FREM2: variants seen among roughly 807,000 people sequenced by gnomAD.
The protein encoded by FREM2 is FRAS1 related extracellular matrix 2, also known as FRAS1-related extracellular matrix protein 2.
In FREM2, 119 loss-of-function variants were observed where a neutral mutation model predicts 219.9. The ratio of observed to expected loss-of-function variants is 0.54; its 90% CI spans 0.47 to 0.63. The LOEUF is 0.63. FREM2 is among the 30% of genes least tolerant of loss of function. The pLI, the probability that FREM2 is intolerant of heterozygous loss-of-function variation, is 0.00. For synonymous variants in FREM2, 1,562 were observed against 1,522.8 expected (o/e 1.03, Z -0.60); for missense variants, 4,030 against 3,993.6 (o/e 1.01, Z -0.25).
intron 8 of FREM2, 36 bp from the exon 9 acceptor site, chr13:38,850,002 G>A (rs1378206835): frequency 4.5e-6 from 7 of 1,565,644 alleles, no homozygotes; most frequent in Middle Eastern, 1.7e-4. Context: ...TTTCCACAAG[G>A]AAATTTCTGT....
At chr13:38,870,478 T>TA (rs1878120105) in intron 16 of FREM2, among the ~76,000 whole-genome samples, 1 of 152,336 alleles carries the variant, frequency 6.6e-6, no homozygotes, top group South Asian at 2.1e-4. Context: ...TATAAACAAA[T>TA]ACCTCGAAAA....
intron 7 of FREM2, 51 bp downstream of exon 7, chr13:38,846,773 C>G (rs780843896): frequency 2.5e-6 from 4 of 1,590,478 alleles, no homozygotes; most frequent in Non-Finnish European, 3.5e-6. Flanking sequence ...TTTTCAATGA[C>G]CATGGCACAA....
chr13:38,840,625 A>AATATATATATATAT (rs66795118), intron 6 of FREM2, among the ~76,000 whole-genome samples: 84 of 135,134 alleles, frequency 6.2e-4, no homozygotes, highest in East Asian at 5.9e-3. Context: ...ATAAAACTAA[A>AATATATATATATAT]ATATATATAT....
intron 16 of FREM2, among the ~76,000 whole-genome samples, chr13:38,865,894 C>T (rs1346588308): frequency 6.6e-6 from 1 of 152,184 alleles, no homozygotes; most frequent in Non-Finnish European, 1.5e-5. Context: ...AAGTGTTCAT[C>T]CTGTAGATTC....
intron 6 of FREM2, among the ~76,000 whole-genome samples, chr13:38,808,339 A>C (rs756547310): frequency 2.0e-5 from 3 of 151,924 alleles, no homozygotes; most frequent in Non-Finnish European, 4.4e-5. Flanking sequence ...TTGTGTGTTC[A>C]CTGGAATAGC....
intron 2 of FREM2, among the ~76,000 whole-genome samples, chr13:38,715,935 A>G (rs1266359132): frequency 6.6e-6 from 1 of 152,210 alleles, no homozygotes; most frequent in Non-Finnish European, 1.5e-5. Context: ...AAAGTGCTAC[A>G]TGACTATAAG....
rs937039511 is a variant in FREM2, at chr13:38,769,835, G to A, written c.5641+27G>A. ...TAAGAGCCATCGTCAACTGGTTTAT[G>A]TTGTTGCTGTTGGGCTGCTATGACA... On this transcript the variant is annotated intron_variant, in intron 4 of 23. Transcript: ENST00000280481. 4.5e-6 allele frequency: 7 copies of A among 1,541,196 alleles called. No individual in the cohort carries two copies. In the African/African-American group the frequency reaches 8.2e-5, roughly 18 times the overall value.
chr13:38,880,513 C>A lies in FREM2; in HGVS notation c.9236C>A (p.Ala3079Asp). The change falls in exon 24 of 24, where the codon GCC (alanine) becomes GAC (aspartate). Residue 3079 changes from alanine (A) to aspartate (D), a missense_variant. By Grantham distance (126) the Ala-to-Asp change is moderately radical. Coordinates refer to ENST00000280481, the MANE Select transcript of FREM2 (RefSeq NM_207361.6). ...NSRGTNIQHI[A>D]LDRTKRQIPH... is the part of the protein sequence containing the mutation. ...CGAGGAACAAACATCCAGCACATTGCCCTGGACCGCACCAAGAGGCAGATC... is the reference window on the plus strand; with the variant it reads ...CGAGGAACAAACATCCAGCACATTGACCTGGACCGCACCAAGAGGCAGATC... The A allele has an allele frequency of 1.2e-6, 2 of 1,614,128 alleles. No individual in the cohort carries two copies. The highest frequency in any genetic ancestry group is 1.7e-6 in the Non-Finnish European group (2 of 1,180,018).
At chr13:38,856,539 A>G (rs1877566746) in intron 12 of FREM2, among the ~76,000 whole-genome samples, 1 of 152,160 alleles carries the variant, frequency 6.6e-6, no homozygotes, top group Admixed American at 6.5e-5. Context: ...GTCAGTCAGT[A>G]ATGATTCATT....
chr13:38,874,360 TA>T, intron 17 of FREM2, 121 bp from the exon 18 acceptor site: 1 of 770,888 alleles, frequency 1.3e-6, no homozygotes, highest in Admixed American at 1.9e-5. Context: ...ATTCTTCTGA[TA>T]ATACCCTTTG....
intron 8 of FREM2, among the ~76,000 whole-genome samples, chr13:38,849,605 A>G (rs749260017): frequency 2.6e-5 from 4 of 152,162 alleles, no homozygotes; most frequent in Non-Finnish European, 5.9e-5. Context: ...CCTATACGTA[A>G]TTAACCTAGC....
rs149850058 is a variant in FREM2 at position 38,689,913 on chromosome 13, G to A, written c.2569G>A (p.Val857Ile). ...TGAGACAGAGTTGCACGTGAATGAT[G>A]TAGACACTGATGTTGCCCATATCTC... Reference protein sequence around the residue: ...LSETELHVNDVDTDVAHISFT... With the variant: ...LSETELHVNDIDTDVAHISFT... The change falls in exon 1 of 24, where the codon GTA becomes ATA. Residue 857 changes from valine (V) to isoleucine (I), a missense_variant. Val to Ile is a conservative substitution (Grantham distance 29). Coordinates refer to ENST00000280481, the MANE Select transcript of FREM2 (RefSeq NM_207361.6). The A allele has an allele frequency of 5.6e-6, 9 of 1,614,074 alleles. No individual in the cohort carries two copies. The African/African-American group carries it at 1.1e-4, about 19-fold the overall frequency.
chr13:38,728,137 G>A (rs975590053), intron 2 of FREM2, among the ~76,000 whole-genome samples: 4 of 151,984 alleles, frequency 2.6e-5, no homozygotes, highest in South Asian at 4.1e-4. Flanking sequence ...AAGCTTTGCC[G>A]TGTTCAGCAC....
intron 16 of FREM2, among the ~76,000 whole-genome samples, chr13:38,872,169 C>A (rs1372702283): frequency 6.6e-6 from 1 of 152,134 alleles, no homozygotes; most frequent in East Asian, 1.9e-4. Context: ...ACCTTGAAAA[C>A]ATTATGCTAA....
At chr13:38,725,210 C>A (rs1871465654) in intron 2 of FREM2, among the ~76,000 whole-genome samples, 1 of 152,068 alleles carries the variant, frequency 6.6e-6, no homozygotes, top group Non-Finnish European at 1.5e-5. Flanking sequence ...TCATTATCTG[C>A]CAATTTTGTG....
intron 2 of FREM2, among the ~76,000 whole-genome samples, chr13:38,738,333 A>G (rs1872082137): frequency 6.6e-6 from 1 of 152,078 alleles, no homozygotes; most frequent in South Asian, 2.1e-4. Flanking sequence ...TGGGAGGCCA[A>G]AGTGGGTGGA....
At chr13:38,795,994 TCTTTTTTC>T (rs550474783) in intron 6 of FREM2, among the ~76,000 whole-genome samples, 3 of 149,990 alleles carry the variant, frequency 2.0e-5, no homozygotes, top group South Asian at 4.2e-4. Flanking sequence ...TTTCTTTCTT[TCTTTTTTC>T]TTTCTTTCTT....
At position 38,877,047 on chromosome 13, in the gene FREM2, T is replaced by C; in HGVS notation, c.8545-70T>C. On this transcript the variant is annotated intron_variant, in intron 20 of 23. Transcript: ENST00000280481. Reference sequence around the variant, plus strand: ...CTACAGTGTACGGTGAATGTATGTATCTGTGAACAGTATGTTTGTGCACCA... The same window carrying C: ...CTACAGTGTACGGTGAATGTATGTACCTGTGAACAGTATGTTTGTGCACCA... The C allele has an allele frequency of 6.5e-6, 10 of 1,536,994 alleles. No homozygotes were observed. The South Asian group carries it at 1.1e-4, about 17-fold the overall frequency.
chr13:38,856,094 A>G (rs1459121638), intron 11 of FREM2, 32 bp from the exon 12 acceptor site: 1 of 1,546,046 alleles, frequency 6.5e-7, no homozygotes, highest in Non-Finnish European at 8.9e-7. Context: ...TTCATATGCA[A>G]ATGATTTAAA....
Sources: gnomAD v4.1 joint callset for allele counts (sites outside exome capture counted in the v4.1 genomes callset) on GRCh38, gnomAD v4.1.1 for gene constraint, MANE v1.5 for transcripts, NCBI Gene and HGNC (gene_info 2026-07-23, HGNC 2026-07-21) for gene names.